Variants in TACR3 observed in about 807,000 individuals in gnomAD.
TACR3 encodes the protein neuromedin-K receptor.
A neutral mutation model predicts 35.0 loss-of-function variants in TACR3; 34 were observed. That is an observed-to-expected ratio of 0.97 (90% CI 0.74 to 1.30). The LOEUF (loss-of-function observed/expected upper bound fraction) is 1.30, where lower values mean the gene tolerates loss of function less well. Ranked by LOEUF, TACR3 falls within the 50% of genes most tolerant of loss-of-function variation. TACR3 has a pLI of 0.00. For synonymous variants in TACR3, 233 were observed against 221.1 expected, an observed-to-expected ratio of 1.05 and a Z score of -0.48; for missense variants, 558 against 591.7, an observed-to-expected ratio of 0.94 and a Z score of 0.59.
chr4:103,616,172 T>A (rs1724653612), intron 3 of TACR3, among the ~76,000 whole-genome samples: 1 of 152,072 alleles, frequency 6.6e-6, no homozygotes, highest in African/African-American at 2.4e-5. Context: ...TTAATACAAG[T>A]TTGTGGGTTA....
chr4:103,690,026 A>G (rs1225709920), intron 1 of TACR3, among the ~76,000 whole-genome samples: 1 of 152,166 alleles, frequency 6.6e-6, no homozygotes, highest in Non-Finnish European at 1.5e-5. Context: ...TTCATTGAAA[A>G]TAATGAAATC....
chr4:103,590,114 TA>T, intron 4 of TACR3, 120 bp from the exon 5 acceptor site: 1 of 1,210,926 alleles, frequency 8.3e-7, no homozygotes, highest in East Asian at 2.5e-5. Context: ...GTTTGGTTTT[TA>T]GCCAGACTCT....
rs1723772305 is a variant in TACR3 at position 103,586,328 on chromosome 4, ACATGGTC to A, written c.*3347_*3353del. 1 of 151,892 alleles carries A rather than the reference ACATGGTC, an allele frequency of 6.6e-6. No homozygotes were observed. The highest frequency in any genetic ancestry group is 1.5e-5 in the Non-Finnish European group (1 of 67,990). The allele number at this position is 151,892 out of a possible 1,614,324, so 9.4% of individuals were successfully genotyped here. On this transcript the variant is annotated 3_prime_UTR_variant, in exon 5 of 5. Transcript: ENST00000304883. ...GAAATTATTCCAACCTTATTGTTCT[ACATGGTC>A]CATGTCATTCTGGATTTCCTTAGCT...
At chr4:103,639,717 C>T (rs925096449) in intron 3 of TACR3, among the ~76,000 whole-genome samples, 18 of 152,050 alleles carry the variant, frequency 1.2e-4, no homozygotes, top group African/African-American at 4.3e-4. Flanking sequence ...AGAACACATT[C>T]TCTAGAATCA....
intron 1 of TACR3, among the ~76,000 whole-genome samples, chr4:103,709,679 G>T (rs1193498632): frequency 6.6e-6 from 1 of 152,032 alleles, no homozygotes; most frequent in Non-Finnish European, 1.5e-5. Context: ...ATGTAAATAG[G>T]CTAAATGCTC....
intron 1 of TACR3, among the ~76,000 whole-genome samples, chr4:103,708,770 C>T (rs1304480446): frequency 1.3e-5 from 2 of 152,108 alleles, no homozygotes; most frequent in African/African-American, 4.8e-5. Context: ...AAAGATTAGA[C>T]AAATGGCTAA....
At chr4:103,711,757 C>A (rs1360962095) in intron 1 of TACR3, among the ~76,000 whole-genome samples, 1 of 152,100 alleles carries the variant, frequency 6.6e-6, no homozygotes, top group African/African-American at 2.4e-5. Flanking sequence ...ATCGTCTCAG[C>A]CCAAAATCTC....
chr4:103,659,903 GC>G (rs1725803908), intron 1 of TACR3, among the ~76,000 whole-genome samples: 1 of 151,978 alleles, frequency 6.6e-6, no homozygotes, highest in African/African-American at 2.4e-5. Flanking sequence ...AAACAAATTA[GC>G]TTTTTGTATT....
At chr4:103,703,805 A>C (rs1722719956) in intron 1 of TACR3, among the ~76,000 whole-genome samples, 1 of 152,030 alleles carries the variant, frequency 6.6e-6, no homozygotes, top group Non-Finnish European at 1.5e-5. Flanking sequence ...GGTATTAAGA[A>C]ATTGGTAATA....
intron 3 of TACR3, among the ~76,000 whole-genome samples, chr4:103,613,423 G>A (rs1228390547): frequency 6.6e-6 from 1 of 151,908 alleles, no homozygotes; most frequent in Admixed American, 6.6e-5. Context: ...AGGTTCAAGC[G>A]ATTCTCCTGC....
intron 1 of TACR3, among the ~76,000 whole-genome samples, chr4:103,685,720 G>A (rs145462160): frequency 4.9e-4 from 75 of 151,832 alleles, no homozygotes; most frequent in Middle Eastern, 3.4e-3. Context: ...CCCCAAAACC[G>A]AAAAAGAAAA....
At chr4:103,718,981 G>T in intron 1 of TACR3, 147 bp downstream of exon 1, 1 of 1,086,160 alleles carries the variant, frequency 9.2e-7, no homozygotes, top group South Asian at 1.4e-5. Flanking sequence ...GCTACAAATG[G>T]GTTAGTGTCC....
intron 3 of TACR3, among the ~76,000 whole-genome samples, chr4:103,635,287 G>T (rs545122950): frequency 6.6e-6 from 1 of 151,940 alleles, no homozygotes; most frequent in Admixed American, 6.6e-5. Flanking sequence ...TAGGGCTAAG[G>T]GTTGAAGAGG....
chr4:103,702,719 C>T (rs948912113), intron 1 of TACR3, among the ~76,000 whole-genome samples: 32 of 151,850 alleles, frequency 2.1e-4, no homozygotes, highest in African/African-American at 7.7e-4. Flanking sequence ...TACTATGCAG[C>T]CATAAATTAT....
chr4:103,597,471 A>T (rs1025908579), intron 3 of TACR3, among the ~76,000 whole-genome samples: 2 of 152,078 alleles, frequency 1.3e-5, no homozygotes, highest in Non-Finnish European at 2.9e-5. Flanking sequence ...TATTATTATT[A>T]TACTTTAAGT....
intron 1 of TACR3, among the ~76,000 whole-genome samples, chr4:103,679,805 C>T (rs17033993): frequency 0.021 from 3,264 of 151,860 alleles, 128 homozygotes; most frequent in African/African-American, 0.074. Flanking sequence ...TGAAAGCTCT[C>T]CATTGGCAGA....
Position 103,587,647 on chromosome 4 carries a change from A to G in TACR3, c.*2035T>C, listed in dbSNP as rs561264262. On this transcript the variant is annotated 3_prime_UTR_variant, in exon 5 of 5. Transcript: ENST00000304883. Reference sequence around the variant, plus strand: ...TCATATTCATATTTTACAGCTGAATATGGTTCCATATGTCTAAAACATTAA... The same window carrying G: ...TCATATTCATATTTTACAGCTGAATGTGGTTCCATATGTCTAAAACATTAA... 2.4e-4 allele frequency: 37 copies of G among 152,128 alleles called. No individual in the cohort carries two copies. The highest frequency in any genetic ancestry group is 5.0e-4 in the Non-Finnish European group (34 of 67,994). The allele number at this position is 152,128 out of a possible 1,614,324, so 9.4% of individuals were successfully genotyped here. A position where few individuals can be genotyped will look rare whatever the true frequency, so the allele number is the denominator to read the frequency against.
chr4:103,607,086 A>G (rs1724391792), intron 3 of TACR3, among the ~76,000 whole-genome samples: 1 of 152,158 alleles, frequency 6.6e-6, no homozygotes, highest in East Asian at 1.9e-4. Context: ...CAATATACGC[A>G]AATCAATAAA....
intron 1 of TACR3, among the ~76,000 whole-genome samples, chr4:103,689,563 T>C (rs963810430): frequency 1.3e-5 from 2 of 152,020 alleles, no homozygotes; most frequent in Non-Finnish European, 2.9e-5. Context: ...ATAAAACCTC[T>C]AAATATTTTT....
Sources: gnomAD v4.1 joint callset for allele counts (sites outside exome capture counted in the v4.1 genomes callset) on GRCh38, gnomAD v4.1.1 for gene constraint, MANE v1.5 for transcripts, NCBI Gene and HGNC (gene_info 2026-07-23, HGNC 2026-07-21) for gene names.